Variants in HDAC9 observed in about 807,000 individuals in gnomAD.
The protein encoded by HDAC9 is MEF-2 interacting transcription repressor (MITR) protein.
In HDAC9, 41 loss-of-function variants were observed where a neutral mutation model predicts 139.4. The ratio of observed to expected loss-of-function variants is 0.29; its 90% confidence interval spans 0.23 to 0.38. The LOEUF (loss-of-function observed/expected upper bound fraction) is 0.38. Among genes scored for constraint, HDAC9 ranks in the 10% least tolerant of loss-of-function variants. The pLI, the probability that HDAC9 is intolerant of heterozygous loss-of-function variation, is 1.00. For synonymous variants in HDAC9, 517 were observed against 476.2 expected (o/e 1.09, Z -1.12); for missense variants, 1,147 against 1,297.0 (o/e 0.88, Z 1.78).
chr7:18,827,098 A>G (rs966558362), intron 17 of HDAC9, among the ~76,000 whole-genome samples: 1 of 151,622 alleles, frequency 6.6e-6, no homozygotes, highest in South Asian at 2.1e-4. Context: ...AAAAAAAACT[A>G]TATATATATG....
rs933256577 is a variant in HDAC9 at position 18,951,826 on chromosome 7, A to G, written c.2938-2320A>G. Among the ~76,000 whole-genome samples the G allele has an allele frequency of 2.6e-5, 4 of 152,006 alleles. No individual in the cohort carries two copies. In the East Asian group the frequency reaches 5.8e-4, roughly 22 times the overall value. ...AAATATTTATTAAGTGGATGCTTCAATCAGATGTTGTTAGTGCCTATAATT... is the reference window on the plus strand; with the variant it reads ...AAATATTTATTAAGTGGATGCTTCAGTCAGATGTTGTTAGTGCCTATAATT... On this transcript the variant is annotated intron_variant, in intron 23 of 25. Coordinates refer to ENST00000686413, the MANE Select transcript of HDAC9 (RefSeq NM_178425.4).
intron 6 of HDAC9, among the ~76,000 whole-genome samples, chr7:18,603,981 C>G (rs1834695918): frequency 1.3e-5 from 2 of 152,192 alleles, no homozygotes; most frequent in South Asian, 4.1e-4. Flanking sequence ...GACATCTGAT[C>G]TAAATCTTAT....
In HDAC9 at chr7:18,280,886, G is replaced by A. The variant is rs111758441; in HGVS notation, c.25+118537G>A. 6.4e-3 allele frequency among the ~76,000 whole-genome samples: 977 copies of A among 152,228 alleles called. 10 individuals are homozygous for A. Among genetic ancestry groups the A allele is most frequent in the African/African-American group, 0.022 (909 of 41,522 alleles). On this transcript the variant is annotated intron_variant, in intron 2 of 12. Coordinates refer to the HDAC9 transcript ENST00000417496. ...CATTTATTTAGGCATTATTTATCAT[G>A]AGCACATCAACATTTGTATCTGCCC...
intron 13 of HDAC9, among the ~76,000 whole-genome samples, chr7:18,733,025 ATG>A (rs1174944297): frequency 7.0e-6 from 1 of 142,142 alleles, no homozygotes; most frequent in Non-Finnish European, 1.5e-5. Flanking sequence ...GTGTGTATAT[ATG>A]TATATATACA....
chr7:18,667,142 A>G (rs1194843612), intron 12 of HDAC9: 2 of 985,054 alleles, frequency 2.0e-6, no homozygotes, highest in Non-Finnish European at 2.4e-6. Context: ...CACTACTTTA[A>G]ATATTAGATT....
At chr7:18,794,517 C>G (rs1792611249) in intron 17 of HDAC9, among the ~76,000 whole-genome samples, 2 of 152,068 alleles carry the variant, frequency 1.3e-5, no homozygotes, top group Non-Finnish European at 2.9e-5. Context: ...AGGGTGAGCT[C>G]TATTTAAAAA....
chr7:18,197,111 G>A (rs1790782208), intron 2 of HDAC9, among the ~76,000 whole-genome samples: 3 of 152,100 alleles, frequency 2.0e-5, no homozygotes, highest in Admixed American at 2.0e-4. Context: ...CTTTAAACTG[G>A]GACATTGACC....
chr7:18,990,476 C>T (rs1193885961), intron 25 of HDAC9, among the ~76,000 whole-genome samples: 1 of 152,218 alleles, frequency 6.6e-6, no homozygotes, highest in Non-Finnish European at 1.5e-5. Context: ...ACATTTAAGT[C>T]TGCAGAGGTT....
intron 13 of HDAC9, among the ~76,000 whole-genome samples, chr7:18,739,882 C>G (rs557580386): frequency 1.5e-4 from 23 of 152,300 alleles, no homozygotes; most frequent in African/African-American, 5.5e-4. Flanking sequence ...GAGGTGGAGT[C>G]TGTAGAGGCA....
chr7:18,909,717 C>T (rs748965550), intron 22 of HDAC9, among the ~76,000 whole-genome samples: 1 of 151,868 alleles, frequency 6.6e-6, no homozygotes, highest in African/African-American at 2.4e-5. Flanking sequence ...GGAGACTGTC[C>T]CTTCCCCAAC....
chr7:18,205,354 G>A (rs2128162997), intron 2 of HDAC9, among the ~76,000 whole-genome samples: 1 of 151,854 alleles, frequency 6.6e-6, no homozygotes. Context: ...AATGTAGTAG[G>A]TTCAGGTCTT....
chr7:18,944,208 T>A (rs972399755), intron 23 of HDAC9, among the ~76,000 whole-genome samples: 24 of 152,226 alleles, frequency 1.6e-4, no homozygotes, highest in Non-Finnish European at 2.9e-4. Context: ...GAGAGTCAGG[T>A]CTTCATTACA....
intron 22 of HDAC9, among the ~76,000 whole-genome samples, chr7:18,924,489 T>A (rs943452850): frequency 1.4e-4 from 21 of 152,112 alleles, no homozygotes; most frequent in African/African-American, 4.8e-4. Flanking sequence ...GATACTTATC[T>A]TTTAAAATCA....
At chr7:18,711,318 C>T (rs1784329965) in intron 12 of HDAC9, among the ~76,000 whole-genome samples, 2 of 152,156 alleles carry the variant, frequency 1.3e-5, no homozygotes, top group South Asian at 4.1e-4. Flanking sequence ...TCTCTCCAAC[C>T]CACTGCTGCA....
intron 16 of HDAC9, among the ~76,000 whole-genome samples, chr7:18,790,732 A>G (rs1411138557): frequency 6.6e-6 from 1 of 152,210 alleles, no homozygotes; most frequent in Non-Finnish European, 1.5e-5. Context: ...TGAGATAAAT[A>G]TTGTTTTTGT....
At chr7:18,100,959 A>G (rs1471829236) in intron 1 of HDAC9, among the ~76,000 whole-genome samples, 1 of 152,066 alleles carries the variant, frequency 6.6e-6, no homozygotes, top group Admixed American at 6.6e-5. Context: ...TCTACCCAAC[A>G]CCCCATGAAT....
chr7:18,908,678 A>T (rs528850407), intron 22 of HDAC9, among the ~76,000 whole-genome samples: 2 of 152,146 alleles, frequency 1.3e-5, no homozygotes, highest in South Asian at 4.1e-4. Context: ...ATTTTACTTA[A>T]CATAATGTTC....
At chr7:18,565,184 C>A in intron 2 of HDAC9, among the ~76,000 whole-genome samples, 1 of 152,028 alleles carries the variant, frequency 6.6e-6, no homozygotes, top group South Asian at 2.1e-4. Flanking sequence ...TTAGTACAGA[C>A]GGGGTTTCTC....
chr7:18,272,938 C>T (rs1796451755), intron 2 of HDAC9, among the ~76,000 whole-genome samples: 1 of 150,200 alleles, frequency 6.7e-6, no homozygotes, highest in Admixed American at 6.7e-5. Context: ...ACTACTACTA[C>T]TACTACTACT....
Sources: allele counts gnomAD v4.1 joint callset (sites outside exome capture counted in the v4.1 genomes callset), GRCh38; gene constraint gnomAD v4.1.1; transcripts MANE v1.5; gene names NCBI Gene and HGNC (gene_info 2026-07-23, HGNC 2026-07-21).